The following FBN1 variants were observed in gnomAD, a reference collection of about 807,000 sequenced individuals.
FBN1 encodes the protein fibrillin 1.
A neutral mutation model predicts 365.1 loss-of-function variants in FBN1; 29 were observed. The observed-to-expected ratio is 0.08, with a 90% confidence interval of 0.06 to 0.11. The LOEUF is 0.11. Ranked by LOEUF, FBN1 falls within the 10% of genes least tolerant of loss-of-function variation. FBN1 has a pLI of 1.00. For missense variants in FBN1, 2,476 were observed against 3,703.2 expected (o/e 0.67, Z 8.60); for synonymous variants, 1,210 against 1,270.5 (o/e 0.95, Z 1.01).
chr15:48,425,706 C>A (rs1427615496), intron 59 of FBN1, 33 bp downstream of exon 59: 1 of 1,607,848 alleles, frequency 6.2e-7, no homozygotes, highest in Non-Finnish European at 8.5e-7. Flanking sequence ...AAAATTTCCA[C>A]TTGAGGATAA....
At chr15:48,615,769 A>C (rs1346292290) in intron 2 of FBN1, among the ~76,000 whole-genome samples, 3 of 152,232 alleles carry the variant, frequency 2.0e-5, no homozygotes, top group Non-Finnish European at 2.9e-5. Context: ...GAAGAGAGAA[A>C]GAGGGTACAG....
chr15:48,490,421 T>C (rs1052838900), intron 24 of FBN1, among the ~76,000 whole-genome samples: 3 of 152,198 alleles, frequency 2.0e-5, no homozygotes, highest in African/African-American at 4.8e-5. Flanking sequence ...GATGCGTGCA[T>C]GCCATGATGT....
intron 55 of FBN1, among the ~76,000 whole-genome samples, chr15:48,431,129 T>C (rs941944932): frequency 6.6e-6 from 1 of 152,018 alleles, no homozygotes; most frequent in African/African-American, 2.4e-5. Flanking sequence ...AAAGAGTCTC[T>C]CTCTGTTGCC....
intron 6 of FBN1, among the ~76,000 whole-genome samples, chr15:48,563,508 T>G (rs1391460865): frequency 6.6e-6 from 1 of 152,136 alleles, no homozygotes; most frequent in Non-Finnish European, 1.5e-5. Flanking sequence ...GGTGAACCAC[T>G]GCAAAGCTAC....
At chr15:48,529,632 G>C (rs77292052) in intron 8 of FBN1, 1 of 152,086 alleles carries the variant, frequency 6.6e-6, no homozygotes, top group East Asian at 1.9e-4. Flanking sequence ...TACAATGAGA[G>C]AAAAAAACTA....
intron 6 of FBN1, among the ~76,000 whole-genome samples, chr15:48,576,865 A>G (rs1209257504): frequency 6.6e-6 from 1 of 152,192 alleles, no homozygotes; most frequent in East Asian, 1.9e-4. Context: ...GGAGAACTGT[A>G]CAGCAGAGAA....
At chr15:48,448,373 T>C (rs2043174951) in intron 46 of FBN1, among the ~76,000 whole-genome samples, 3 of 152,158 alleles carry the variant, frequency 2.0e-5, no homozygotes, top group African/African-American at 7.2e-5. Context: ...CTTTGTAGGA[T>C]TTATAAATTT....
intron 1 of FBN1, 105 bp downstream of exon 1, chr15:48,645,470 G>A (rs1262479568): frequency 6.6e-6 from 1 of 152,536 alleles, no homozygotes; most frequent in Non-Finnish European, 1.5e-5. Context: ...CCTCACCCCA[G>A]TCCCTGTCCC....
At chr15:48,549,326 T>C (rs2044123157) in intron 6 of FBN1, among the ~76,000 whole-genome samples, 1 of 152,222 alleles carries the variant, frequency 6.6e-6, no homozygotes, top group Admixed American at 6.5e-5. Context: ...AGCACTGGTG[T>C]TCACCTCTGC....
At chr15:48,432,403 G>C (rs550427088) in intron 55 of FBN1, among the ~76,000 whole-genome samples, 1 of 152,290 alleles carries the variant, frequency 6.6e-6, no homozygotes, top group South Asian at 2.1e-4. Flanking sequence ...ATTTTTAATG[G>C]AGATGGTTTA....
chr15:48,585,138 A>G (rs575727183), intron 6 of FBN1, among the ~76,000 whole-genome samples: 14 of 152,216 alleles, frequency 9.2e-5, no homozygotes, highest in Non-Finnish European at 1.9e-4. Flanking sequence ...AGTTGCCTCC[A>G]TCCTGTAAGG....
At chr15:48,517,231 G>A (rs6493327) in intron 10 of FBN1, among the ~76,000 whole-genome samples, 24,378 of 152,164 alleles carry the variant, frequency 0.16, 2,916 homozygotes, top group African/African-American at 0.34. Context: ...AAGCTTAGAC[G>A]AATCAAGGCT....
chr15:48,507,280 G>T (rs929996997), intron 15 of FBN1, among the ~76,000 whole-genome samples: 1 of 152,006 alleles, frequency 6.6e-6, no homozygotes, highest in African/African-American at 2.4e-5. Flanking sequence ...AAATATTCCA[G>T]CAATCATTCT....
At chr15:48,551,923 G>A (rs2044145428) in intron 6 of FBN1, among the ~76,000 whole-genome samples, 1 of 152,118 alleles carries the variant, frequency 6.6e-6, no homozygotes, top group Non-Finnish European at 1.5e-5. Flanking sequence ...CAGTTAGGTG[G>A]ATTTCATTTC....
intron 53 of FBN1, among the ~76,000 whole-genome samples, chr15:48,436,191 C>A (rs192076645): frequency 6.6e-6 from 1 of 152,222 alleles, no homozygotes; most frequent in Admixed American, 6.5e-5. Flanking sequence ...TACCATTGAT[C>A]TTTAGAGCTG....
At chr15:48,609,223 C>G (rs1678982) in intron 4 of FBN1, among the ~76,000 whole-genome samples, 14,690 of 152,246 alleles carry the variant, frequency 0.096, 758 homozygotes, top group Middle Eastern at 0.16. Flanking sequence ...TGCTATTACT[C>G]GGAAGATGCA....
At chr15:48,428,996 G>A (rs542050267) in intron 56 of FBN1, among the ~76,000 whole-genome samples, 1 of 152,240 alleles carries the variant, frequency 6.6e-6, no homozygotes, top group East Asian at 1.9e-4. Context: ...GCATATAAAA[G>A]CAAATACATA....
intron 2 of FBN1, chr15:48,642,490 T>C (rs1212069668): frequency 6.6e-6 from 1 of 152,164 alleles, no homozygotes; most frequent in Non-Finnish European, 1.5e-5. Flanking sequence ...ATACATTCCA[T>C]GTATTAAAAA....
In FBN1 at chr15:48,408,967, C is replaced by T. The variant is rs1305621902; in HGVS notation, c.*2023G>A. ...CTTCGATAACAATTTTAATACACCT[C>T]TATCACATGGTTCCATAGGTGCAGC... is the stretch of plus-strand genomic sequence containing the variant. On this transcript the variant is annotated 3_prime_UTR_variant, in exon 66 of 66. Transcript: ENST00000316623. 2 of 152,242 alleles carry T rather than the reference C, an allele frequency of 1.3e-5. No homozygotes were observed. Among genetic ancestry groups the T allele is most frequent in the Non-Finnish European group, 2.9e-5 (2 of 68,048 alleles). The allele number at this position is 152,242 out of a possible 1,614,324, so 9.4% of individuals were successfully genotyped here.
Sources: allele counts gnomAD v4.1 joint callset (sites outside exome capture counted in the v4.1 genomes callset), GRCh38; gene constraint gnomAD v4.1.1; transcripts MANE v1.5; gene names NCBI Gene and HGNC (gene_info 2026-07-23, HGNC 2026-07-21).